Variants in DGKE observed in about 807,000 individuals in gnomAD.
DGKE encodes the protein DAG kinase epsilon.
A neutral mutation model predicts 70.0 loss-of-function variants in DGKE; 53 were observed. That is an observed-to-expected ratio of 0.76 (90% CI 0.61 to 0.95). The LOEUF is 0.95. Among genes scored for constraint, DGKE ranks in the 40% least tolerant of loss-of-function variants. The pLI is 0.00. For missense variants in DGKE, 655 were observed against 706.9 expected (o/e 0.93, Z 0.83); for synonymous variants, 291 against 257.0 (o/e 1.13, Z -1.27).
chr17:56,849,173 T>C lies in DGKE; in HGVS notation c.1047-8T>C. The C allele has an allele frequency of 1.2e-6, 2 of 1,608,510 alleles. No homozygotes were observed. Among genetic ancestry groups the C allele is most frequent in the Non-Finnish European group, 1.7e-6 (2 of 1,177,774 alleles). ...AACGTGCTGTTTTTTTTAACTTCTGTTTTTTAGATGGAAAGTTCAAGTAAC... is the reference window on the plus strand; with the variant it reads ...AACGTGCTGTTTTTTTTAACTTCTGCTTTTTAGATGGAAAGTTCAAGTAAC... On this transcript the variant is annotated splice_polypyrimidine_tract_variant and splice_region_variant and intron_variant, in intron 6 of 11. Coordinates refer to ENST00000284061, the MANE Select transcript of DGKE (RefSeq NM_003647.3).
At chr17:56,861,740 G>T (rs1376784256) in intron 9 of DGKE, 51 bp from the exon 10 acceptor site, 3 of 1,596,476 alleles carry the variant, frequency 1.9e-6, no homozygotes, top group Non-Finnish European at 2.6e-6. Flanking sequence ...AAATGGATGT[G>T]TGTGGAAATT....
At chr17:56,835,985 TCTAA>T (rs1303687941) in intron 2 of DGKE, 1 of 152,250 alleles carries the variant, frequency 6.6e-6, no homozygotes, top group Non-Finnish European at 1.5e-5. Flanking sequence ...AATGATCTAT[TCTAA>T]CTCAGTTCAC....
chr17:56,852,609 A>T (rs1012381640), intron 7 of DGKE, among the ~76,000 whole-genome samples: 5 of 117,670 alleles, frequency 4.2e-5, no homozygotes, highest in South Asian at 2.9e-4. Flanking sequence ...GATTTATTTT[A>T]AAAAAAAAAT....
intron 2 of DGKE, among the ~76,000 whole-genome samples, chr17:56,840,133 C>T (rs2144206535): frequency 6.6e-6 from 1 of 152,198 alleles, no homozygotes; most frequent in East Asian, 1.9e-4. Context: ...CATTGCACTC[C>T]AGTCTGGGCA....
At chr17:56,849,298 G>T (rs1233641020) in intron 7 of DGKE, 66 bp downstream of exon 7, 2 of 1,417,082 alleles carry the variant, frequency 1.4e-6, no homozygotes, top group Non-Finnish European at 2.0e-6. Flanking sequence ...GCACTCTGTG[G>T]TGGGATACAG....
intron 6 of DGKE, 39 bp from the exon 7 acceptor site, chr17:56,849,142 T>C: frequency 6.4e-7 from 1 of 1,574,058 alleles, no homozygotes; most frequent in Non-Finnish European, 8.7e-7. Context: ...ATGGGGTTTA[T>C]TGTAAAACGT....
chr17:56,862,218 T>G lies in DGKE; in HGVS notation c.1491T>G (p.Asn497Lys). The change falls in exon 11 of 12, where the codon AAT becomes AAG. Residue 497 changes from asparagine (N) to lysine (K), a missense_variant. By Grantham distance (94) the Asn-to-Lys change is moderately conservative. Transcript: ENST00000284061. ...CTCAGATTCAAGTAAAACTGGCTAA[T>G]CCTTTTCGAATAGGACAGGCACATA... Reference protein sequence around the residue: ...HCAQIQVKLANPFRIGQAHTV... With the variant: ...HCAQIQVKLAKPFRIGQAHTV... 6.2e-7 allele frequency: 1 copy of G among 1,614,208 alleles called. No homozygotes were observed. The highest frequency in any genetic ancestry group is 1.6e-4 in the Middle Eastern group (1 of 6,062).
rs1908429593 is a variant in DGKE, at chr17:56,864,011, T to C, written c.*1220T>C. 3.3e-5 allele frequency: 5 copies of C among 152,236 alleles called. No individual in the cohort carries two copies. Among genetic ancestry groups the C allele is most frequent in the African/African-American group, 9.6e-5 (4 of 41,460 alleles). 9.4% of individuals were successfully genotyped at this position (152,236 alleles called of 1,614,324 possible). ...TTCTTCACAAATATTCCTCATTGTA[T>C]TGAAAAATGAAGGAGGGCATGAAAA... On this transcript the variant is annotated 3_prime_UTR_variant, in exon 12 of 12. Transcript: ENST00000284061.
intron 8 of DGKE, among the ~76,000 whole-genome samples, chr17:56,857,823 C>T (rs542880248): frequency 6.6e-6 from 1 of 151,976 alleles, no homozygotes; most frequent in East Asian, 1.9e-4. Context: ...GCCTGTAATC[C>T]CAGCACTTTG....
At chr17:56,860,577 G>T (rs188107242) in intron 9 of DGKE, among the ~76,000 whole-genome samples, 1 of 152,298 alleles carries the variant, frequency 6.6e-6, no homozygotes, top group Admixed American at 6.5e-5. Flanking sequence ...TGCAGTATGA[G>T]AAGTTATATA....
rs528571133 is a variant in DGKE, at chr17:56,837,888, T to C, written c.464+2629T>C. On this transcript the variant is annotated intron_variant, in intron 2 of 11. Transcript: ENST00000284061. ...TATACTCATTCGATCATTATACTTATTGAGCATCTATTTTTGTTCTAGACA... is the reference window on the plus strand; with the variant it reads ...TATACTCATTCGATCATTATACTTACTGAGCATCTATTTTTGTTCTAGACA... Among the ~76,000 whole-genome samples the C allele has an allele frequency of 5.9e-5, 9 of 152,320 alleles. No homozygotes were observed. In the South Asian group the frequency reaches 8.3e-4, roughly 14 times the overall value.
Position 56,862,836 on chromosome 17 carries a change from A to G in DGKE, c.*45A>G, listed in dbSNP as rs1908376983. 7.1e-7 allele frequency: 1 copy of G among 1,414,176 alleles called. No homozygotes were observed. Among genetic ancestry groups the G allele is most frequent in the Non-Finnish European group, 9.2e-7 (1 of 1,084,116 alleles). The allele number at this position is 1,414,176 out of a possible 1,614,324, so 87.6% of individuals were successfully genotyped here. On this transcript the variant is annotated 3_prime_UTR_variant, in exon 12 of 12. Coordinates refer to ENST00000284061, the MANE Select transcript of DGKE (RefSeq NM_003647.3). ...CTTTGCATAGAATCCTCACGCAAGT[A>G]GATACATGTTCATCCAAAAGTATTA...
In DGKE at chr17:56,867,613, A is replaced by AGGGG; in HGVS notation, c.*4824_*4825insGGGG. On this transcript the variant is annotated 3_prime_UTR_variant, in exon 12 of 12. Transcript: ENST00000284061. ...GCAAGACTCCATCTCAAAAAAAAAA[A>AGGGG]GGCCGGGCGTGGTGGCTCACGCCTG... 1 of 152,986 alleles carries AGGGG rather than the reference A, an allele frequency of 6.5e-6. No individual in the cohort carries two copies. The highest frequency in any genetic ancestry group is 1.5e-5 in the Non-Finnish European group (1 of 68,828). The allele number at this position is 152,986 out of a possible 1,614,324, so 9.5% of individuals were successfully genotyped here.
chr17:56,847,830 A>G, intron 4 of DGKE, 92 bp from the exon 5 acceptor site: 1 of 898,734 alleles, frequency 1.1e-6, no homozygotes. Flanking sequence ...AATGTTATTT[A>G]ACTGTATCTC....
chr17:56,844,893 T>C (rs1347562348), intron 3 of DGKE, among the ~76,000 whole-genome samples: 1 of 152,188 alleles, frequency 6.6e-6, no homozygotes, highest in African/African-American at 2.4e-5. Context: ...CCAAAATAAT[T>C]GAACTATTTT....
chr17:56,848,612 T>G, intron 5 of DGKE, 84 bp from the exon 6 acceptor site: 1 of 1,361,704 alleles, frequency 7.3e-7, no homozygotes, highest in Non-Finnish European at 1.0e-6. Context: ...TCCTTACTGT[T>G]TTGGTCTTAT....
intron 9 of DGKE, among the ~76,000 whole-genome samples, chr17:56,861,422 T>C (rs2144296743): frequency 6.6e-6 from 1 of 152,348 alleles, no homozygotes. Flanking sequence ...TGGCCCAGTT[T>C]ACTTTCCTGA....
rs1024526311 is a variant in DGKE, at chr17:56,855,337, G to A, written c.1099-1175G>A. On this transcript the variant is annotated intron_variant, in intron 7 of 11. Transcript: ENST00000284061. Reference sequence around the variant, plus strand: ...CTTAACCATCAAAAGGAGGAAGAGCGTCTTTGATTTGGAGGAGAAAGGTGC... The same window carrying A: ...CTTAACCATCAAAAGGAGGAAGAGCATCTTTGATTTGGAGGAGAAAGGTGC... Among the ~76,000 whole-genome samples the A allele has an allele frequency of 9.9e-5, 15 of 152,146 alleles. No individual in the cohort carries two copies. In the East Asian group the frequency reaches 2.5e-3, roughly 25 times the overall value.
At chr17:56,836,979 A>G (rs1303364450) in intron 2 of DGKE, among the ~76,000 whole-genome samples, 8 of 151,758 alleles carry the variant, frequency 5.3e-5, no homozygotes, top group Non-Finnish European at 1.0e-4. Flanking sequence ...TACCTGATCT[A>G]CTCAGCTTCC....
Sources: gnomAD v4.1 joint callset for allele counts (sites outside exome capture counted in the v4.1 genomes callset) on GRCh38, gnomAD v4.1.1 for gene constraint, MANE v1.5 for transcripts, NCBI Gene and HGNC (gene_info 2026-07-23, HGNC 2026-07-21) for gene names.